CELF4: variants seen among roughly 807,000 people sequenced by gnomAD.
The protein encoded by CELF4 is CUG-BP- and ETR-3-like factor 4.
In CELF4, 18 loss-of-function variants were observed where a neutral mutation model predicts 59.9. The ratio of observed to expected loss-of-function variants is 0.30; its 90% CI spans 0.21 to 0.45. The LOEUF is 0.45. Among genes scored for constraint, CELF4 ranks in the 20% least tolerant of loss-of-function variants. The pLI, the probability that CELF4 is intolerant of heterozygous loss-of-function variation, is 1.00. For missense variants in CELF4, 456 were observed against 689.0 expected (o/e 0.66, Z 3.79); for synonymous variants, 261 against 267.1 (o/e 0.98, Z 0.22).
intron 3 of CELF4, among the ~76,000 whole-genome samples, chr18:37,278,039 T>G (rs1005520381): frequency 1.3e-5 from 2 of 152,256 alleles, no homozygotes; most frequent in African/African-American, 4.8e-5. Context: ...GCATTAAAAT[T>G]CATCCACATG....
At chr18:37,335,224 C>T (rs1034647201) in intron 2 of CELF4, among the ~76,000 whole-genome samples, 1 of 152,140 alleles carries the variant, frequency 6.6e-6, no homozygotes, top group African/African-American at 2.4e-5. Context: ...TAATAAGCAT[C>T]GATCACGGCC....
intron 2 of CELF4, among the ~76,000 whole-genome samples, chr18:37,411,773 G>C (rs1175772075): frequency 6.6e-6 from 1 of 152,190 alleles, no homozygotes; most frequent in Admixed American, 6.5e-5. Context: ...CAGGAGATGA[G>C]GCGGGCTGCA....
chr18:37,345,772 A>G (rs1390937291), intron 2 of CELF4, among the ~76,000 whole-genome samples: 1 of 151,746 alleles, frequency 6.6e-6, no homozygotes, highest in Admixed American at 6.6e-5. Flanking sequence ...GAGGCTGGGG[A>G]CCCCTGATAT....
intron 9 of CELF4, chr18:37,266,265 G>GACA (rs2077480298): frequency 5.3e-6 from 3 of 571,204 alleles, no homozygotes; most frequent in Admixed American, 3.1e-5. Flanking sequence ...TGGCCTCAAA[G>GACA]ACAGGTAACT....
At chr18:37,360,216 CTT>C (rs1366843414) in intron 2 of CELF4, among the ~76,000 whole-genome samples, 1 of 152,000 alleles carries the variant, frequency 6.6e-6, no homozygotes, top group Admixed American at 6.6e-5. Flanking sequence ...CTGAAGTCCT[CTT>C]TGCAATCTCT....
intron 2 of CELF4, among the ~76,000 whole-genome samples, chr18:37,445,696 C>A (rs1262375253): frequency 6.6e-6 from 1 of 152,016 alleles, no homozygotes; most frequent in Non-Finnish European, 1.5e-5. Flanking sequence ...GGAAAGAAGG[C>A]AACTCTTTCC....
intron 2 of CELF4, among the ~76,000 whole-genome samples, chr18:37,335,955 TCCAATA>T (rs1222114868): frequency 2.0e-5 from 3 of 152,058 alleles, no homozygotes; most frequent in Non-Finnish European, 4.4e-5. Context: ...ACTCCCTCCC[TCCAATA>T]CCTTCTGCTC....
chr18:37,541,445 G>A (rs952390467), intron 1 of CELF4, among the ~76,000 whole-genome samples: 1 of 151,958 alleles, frequency 6.6e-6, no homozygotes, highest in African/African-American at 2.4e-5. Context: ...CACCTTCACT[G>A]CCCTTCTTAA....
chr18:37,419,793 A>G (rs760010608), intron 2 of CELF4, among the ~76,000 whole-genome samples: 2 of 152,134 alleles, frequency 1.3e-5, no homozygotes, highest in Non-Finnish European at 2.9e-5. Flanking sequence ...TTAAGGACAA[A>G]GAGAGAACCA....
At chr18:37,444,696 G>T (rs2099743314) in intron 2 of CELF4, among the ~76,000 whole-genome samples, 1 of 151,614 alleles carries the variant, frequency 6.6e-6, no homozygotes. Context: ...GAGGTGGGGA[G>T]GTGCAGGGGT....
chr18:37,469,642 T>C (rs2154602507), intron 2 of CELF4, among the ~76,000 whole-genome samples: 1 of 152,218 alleles, frequency 6.6e-6, no homozygotes, highest in African/African-American at 2.4e-5. Flanking sequence ...AAAGAAAATA[T>C]TAAGTTCCCC....
At chr18:37,541,674 C>G (rs1215934157) in intron 1 of CELF4, among the ~76,000 whole-genome samples, 1 of 152,096 alleles carries the variant, frequency 6.6e-6, no homozygotes, top group Non-Finnish European at 1.5e-5. Flanking sequence ...CCCCATTACC[C>G]CAGGACACGC....
intron 8 of CELF4, among the ~76,000 whole-genome samples, chr18:37,269,632 G>A (rs2090160750): frequency 6.6e-6 from 1 of 152,178 alleles, no homozygotes; most frequent in Non-Finnish European, 1.5e-5. Flanking sequence ...AAAGGAGGGT[G>A]TTCCCTGTTC....
At chr18:37,416,678 G>C (rs767104073) in intron 2 of CELF4, among the ~76,000 whole-genome samples, 1 of 152,200 alleles carries the variant, frequency 6.6e-6, no homozygotes, top group Non-Finnish European at 1.5e-5. Context: ...GTCTTCTCAT[G>C]CATCAAGCCC....
At chr18:37,267,699 C>T (rs1471537683) in intron 8 of CELF4, among the ~76,000 whole-genome samples, 1 of 152,186 alleles carries the variant, frequency 6.6e-6, no homozygotes, top group Non-Finnish European at 1.5e-5. Flanking sequence ...AACTTCCCTC[C>T]TGAGCACGTT....
chr18:37,433,611 G>A (rs942374686), intron 2 of CELF4, among the ~76,000 whole-genome samples: 4 of 152,214 alleles, frequency 2.6e-5, no homozygotes, highest in Admixed American at 1.3e-4. Context: ...TCGGGGCCAC[G>A]ATTGTCCTTG....
intron 1 of CELF4, among the ~76,000 whole-genome samples, chr18:37,531,275 A>C (rs1758558004): frequency 1.3e-5 from 2 of 152,102 alleles, no homozygotes; most frequent in African/African-American, 4.8e-5. Flanking sequence ...ACTGAGCAGG[A>C]AACTGGTCCT....
chr18:37,511,419 T>C (rs2099944199), intron 1 of CELF4, among the ~76,000 whole-genome samples: 1 of 152,124 alleles, frequency 6.6e-6, no homozygotes, highest in African/African-American at 2.4e-5. Flanking sequence ...GTCCTTGGCA[T>C]TCCCCAGGCT....
intron 3 of CELF4, among the ~76,000 whole-genome samples, chr18:37,304,437 G>A (rs1414570153): frequency 1.5e-5 from 2 of 136,146 alleles, no homozygotes; most frequent in East Asian, 4.0e-4. Flanking sequence ...GGGATTGTAG[G>A]AACAGCCAAA....
Sources: allele counts gnomAD v4.1 joint callset (sites outside exome capture counted in the v4.1 genomes callset), GRCh38; gene constraint gnomAD v4.1.1; transcripts MANE v1.5; gene names NCBI Gene and HGNC (gene_info 2026-07-23, HGNC 2026-07-21).